Variants in PDZRN4 observed in about 807,000 individuals in gnomAD.
PDZRN4 encodes the protein PDZ domain containing ring finger 4.
In PDZRN4, 70 loss-of-function variants were observed where a neutral mutation model predicts 99.0. The observed-to-expected ratio is 0.71, with a 90% CI of 0.58 to 0.86. The LOEUF is 0.86. PDZRN4 is among the 40% of genes least tolerant of loss of function. PDZRN4 has a pLI of 0.00. For synonymous variants in PDZRN4, 551 were observed against 501.6 expected, an observed-to-expected ratio of 1.10 and a Z score of -1.32; for missense variants, 1,474 against 1,331.2, an observed-to-expected ratio of 1.11 and a Z score of -1.67.
At chr12:41,401,512 C>T (rs1276021637) in intron 3 of PDZRN4, among the ~76,000 whole-genome samples, 1 of 152,158 alleles carries the variant, frequency 6.6e-6, no homozygotes, top group African/African-American at 2.4e-5. Context: ...TCAGCAACCT[C>T]AGAATCTTCC....
intron 3 of PDZRN4, among the ~76,000 whole-genome samples, chr12:41,471,243 C>T (rs1952987175): frequency 6.6e-6 from 1 of 152,190 alleles, no homozygotes; most frequent in African/African-American, 2.4e-5. Flanking sequence ...TGTTAACCAA[C>T]ATCATGTTCT....
chr12:41,544,638 T>A (rs1938915852), intron 5 of PDZRN4, among the ~76,000 whole-genome samples: 1 of 152,086 alleles, frequency 6.6e-6, no homozygotes. Flanking sequence ...AACATCTTAA[T>A]GAAATACAAA....
chr12:41,308,884 C>T (rs1364596937), intron 3 of PDZRN4, among the ~76,000 whole-genome samples: 1 of 151,998 alleles, frequency 6.6e-6, no homozygotes, highest in East Asian at 1.9e-4. Context: ...CCTAAGAAAC[C>T]ATTATGCAGA....
At chr12:41,307,946 A>G (rs888619452) in intron 3 of PDZRN4, among the ~76,000 whole-genome samples, 5 of 152,122 alleles carry the variant, frequency 3.3e-5, no homozygotes, top group Non-Finnish European at 7.4e-5. Context: ...TTATATATGG[A>G]AGAAAAAGCA....
At position 41,478,533 on chromosome 12, in the gene PDZRN4, G is replaced by A. The variant is rs1367682506; in HGVS notation, c.844-27923G>A. Among the ~76,000 whole-genome samples the A allele has an allele frequency of 3.3e-5, 5 of 152,094 alleles. No individual in the cohort carries two copies. In the East Asian group the frequency reaches 7.7e-4, roughly 23 times the overall value. ...GCAGAGACTATTCCTATTATAATATGTAAAATGTTCAAAAACATTTTCACC... is the reference window on the plus strand; with the variant it reads ...GCAGAGACTATTCCTATTATAATATATAAAATGTTCAAAAACATTTTCACC... On this transcript the variant is annotated intron_variant, in intron 3 of 9. Transcript: ENST00000402685.
chr12:41,510,019 T>G, intron 5 of PDZRN4, 106 bp downstream of exon 5: 1 of 580,808 alleles, frequency 1.7e-6, no homozygotes, highest in South Asian at 2.4e-5. Context: ...TCTTGTCTAT[T>G]ACATATCCAG....
At chr12:41,297,402 T>G (rs962816019) in intron 3 of PDZRN4, among the ~76,000 whole-genome samples, 2 of 152,174 alleles carry the variant, frequency 1.3e-5, no homozygotes, top group Admixed American at 6.5e-5. Context: ...AAGGCCCTAG[T>G]TCTGGCCCTG....
intron 3 of PDZRN4, among the ~76,000 whole-genome samples, chr12:41,382,315 C>T (rs1952133803): frequency 6.6e-6 from 1 of 152,124 alleles, no homozygotes; most frequent in Non-Finnish European, 1.5e-5. Context: ...GGTGAGACCA[C>T]AGGCTCTGCC....
At chr12:41,301,122 A>G (rs1271064112) in intron 3 of PDZRN4, among the ~76,000 whole-genome samples, 1 of 152,020 alleles carries the variant, frequency 6.6e-6, no homozygotes, top group African/African-American at 2.4e-5. Flanking sequence ...GCTGGGAAAT[A>G]TCCCCAAACT....
At chr12:41,506,403 A>G (rs959230046) in intron 3 of PDZRN4, 53 bp from the exon 4 acceptor site, 24 of 1,513,496 alleles carry the variant, frequency 1.6e-5, no homozygotes, top group Non-Finnish European at 2.1e-5. Flanking sequence ...ATCTATCATG[A>G]CAGCCTCTCT....
At chr12:41,360,580 A>G (rs1207610195) in intron 3 of PDZRN4, among the ~76,000 whole-genome samples, 1 of 152,108 alleles carries the variant, frequency 6.6e-6, no homozygotes, top group Non-Finnish European at 1.5e-5. Flanking sequence ...CCTATGCTAT[A>G]GAAATTATCA....
At chr12:41,217,013 T>C (rs1051395492) in intron 3 of PDZRN4, among the ~76,000 whole-genome samples, 1 of 152,008 alleles carries the variant, frequency 6.6e-6, no homozygotes, top group African/African-American at 2.4e-5. Context: ...TCAAAACAAA[T>C]AGGTGGATTT....
intron 3 of PDZRN4, among the ~76,000 whole-genome samples, chr12:41,228,483 A>G (rs1267665423): frequency 1.3e-5 from 2 of 152,132 alleles, no homozygotes; most frequent in African/African-American, 4.8e-5. Context: ...AATAGGTCAA[A>G]AAAAAAGACT....
At chr12:41,204,681 G>C (rs755223626) in intron 3 of PDZRN4, among the ~76,000 whole-genome samples, 1 of 151,946 alleles carries the variant, frequency 6.6e-6, no homozygotes, top group Non-Finnish European at 1.5e-5. Flanking sequence ...AAAAGCATGG[G>C]GGAACCACCC....
At chr12:41,451,335 A>C (rs1202284851) in intron 3 of PDZRN4, among the ~76,000 whole-genome samples, 1 of 152,216 alleles carries the variant, frequency 6.6e-6, no homozygotes, top group Non-Finnish European at 1.5e-5. Flanking sequence ...TATGATGTGG[A>C]TACACATAGT....
intron 3 of PDZRN4, among the ~76,000 whole-genome samples, chr12:41,294,585 A>G (rs1283570630): frequency 6.6e-6 from 1 of 152,132 alleles, no homozygotes. Context: ...TAACAAAGAG[A>G]GTACTTTGAA....
intron 3 of PDZRN4, among the ~76,000 whole-genome samples, chr12:41,494,870 G>A (rs1283050925): frequency 6.6e-6 from 1 of 152,088 alleles, no homozygotes; most frequent in African/African-American, 2.4e-5. Context: ...GCTTCTCCTA[G>A]GAAACTGGTT....
intron 3 of PDZRN4, among the ~76,000 whole-genome samples, chr12:41,204,664 A>G (rs1029545589): frequency 6.6e-6 from 1 of 152,042 alleles, no homozygotes; most frequent in Admixed American, 6.6e-5. Context: ...CTCACTCACT[A>G]TCACGAAAAA....
intron 3 of PDZRN4, among the ~76,000 whole-genome samples, chr12:41,248,293 A>G (rs1384687818): frequency 3.9e-5 from 6 of 152,202 alleles, no homozygotes; most frequent in Admixed American, 1.3e-4. Context: ...CTTATGGGTT[A>G]TCAAGGCTTT....
Sources: allele counts gnomAD v4.1 joint callset (sites outside exome capture counted in the v4.1 genomes callset), GRCh38; gene constraint gnomAD v4.1.1; transcripts MANE v1.5; gene names NCBI Gene and HGNC (gene_info 2026-07-23, HGNC 2026-07-21).